RNF32: variants seen among roughly 807,000 people sequenced by gnomAD.
RNF32 encodes ring finger protein 32.
RNF32 carries 36 observed loss-of-function variants against 41.0 expected under a neutral mutation model. The observed-to-expected ratio is 0.88, with a 90% CI of 0.67 to 1.16. The LOEUF is 1.16. Among genes scored for constraint, RNF32 ranks in the 50% most tolerant of loss-of-function variants. The pLI is 0.00. For missense variants in RNF32, 413 were observed against 436.7 expected (o/e 0.95, Z 0.48); for synonymous variants, 154 against 160.9 (o/e 0.96, Z 0.32).
chr7:156,660,269 TG>T (rs1800426862), intron 7 of RNF32: 1 of 985,156 alleles, frequency 1.0e-6, no homozygotes, highest in South Asian at 4.7e-5. Flanking sequence ...CCAATTTCTT[TG>T]GTCTTCTCTA....
chr7:156,648,526 A>G (rs1203417885), intron 3 of RNF32, among the ~76,000 whole-genome samples: 7 of 152,244 alleles, frequency 4.6e-5, no homozygotes, highest in African/African-American at 1.4e-4. Context: ...AATTAGATAT[A>G]AAGAGGAACG....
intron 7 of RNF32, among the ~76,000 whole-genome samples, chr7:156,671,858 G>C (rs960259740): frequency 6.6e-6 from 1 of 152,032 alleles, no homozygotes; most frequent in Non-Finnish European, 1.5e-5. Context: ...TAAAAAAATA[G>C]AACTATCTCA....
intron 7 of RNF32, among the ~76,000 whole-genome samples, chr7:156,671,652 T>A (rs1470595371): frequency 5.9e-5 from 9 of 152,208 alleles, no homozygotes; most frequent in Non-Finnish European, 1.2e-4. Context: ...AGGACGCCGA[T>A]GTTTGCGGTA....
At chr7:156,660,396 G>C in intron 7 of RNF32, 2 of 562,672 alleles carry the variant, frequency 3.6e-6, no homozygotes, top group Non-Finnish European at 4.5e-6. Flanking sequence ...CTTTTAAGAT[G>C]ATCTCAGATG....
chr7:156,641,366 T>A (rs1289701595), intron 1 of RNF32, among the ~76,000 whole-genome samples: 1 of 152,248 alleles, frequency 6.6e-6, no homozygotes, highest in African/African-American at 2.4e-5. Flanking sequence ...CACCAAGCTC[T>A]GCCTCTTGAG....
chr7:156,652,469 G>A (rs889842762), intron 3 of RNF32, among the ~76,000 whole-genome samples: 3 of 151,638 alleles, frequency 2.0e-5, no homozygotes, highest in Non-Finnish European at 2.9e-5. Flanking sequence ...CACCTAGACC[G>A]GTCCCTTGAT....
In RNF32 at chr7:156,658,353, C is replaced by T. The variant is rs894984783; in HGVS notation, c.575+101C>T. 1.0e-5 allele frequency: 16 copies of T among 1,556,036 alleles called. No individual in the cohort carries two copies. The Admixed American group carries it at 2.3e-4, about 23-fold the overall frequency. On this transcript the variant is annotated intron_variant, in intron 6 of 8. Coordinates refer to ENST00000317955, the MANE Select transcript of RNF32 (RefSeq NM_030936.4). ...GGGATTTTATCTCTCTTCTTGGCCACCATAATTTCCCCAGGGCCTTGTACA... is the reference window on the plus strand; with the variant it reads ...GGGATTTTATCTCTCTTCTTGGCCATCATAATTTCCCCAGGGCCTTGTACA...
chr7:156,641,654 G>A (rs1797340464), intron 1 of RNF32, among the ~76,000 whole-genome samples: 1 of 152,194 alleles, frequency 6.6e-6, no homozygotes, highest in Non-Finnish European at 1.5e-5. Flanking sequence ...TGATATTAAT[G>A]ACAGTGGTCT....
chr7:156,664,115 G>C (rs1247653116), intron 7 of RNF32, among the ~76,000 whole-genome samples: 1 of 152,212 alleles, frequency 6.6e-6, no homozygotes, highest in East Asian at 1.9e-4. Flanking sequence ...AGTGCACACG[G>C]CACATTGCGT....
chr7:156,676,310 T>A, intron 8 of RNF32, 109 bp from the exon 9 acceptor site: 6 of 1,610,516 alleles, frequency 3.7e-6, no homozygotes, highest in Non-Finnish European at 5.1e-6. Context: ...AACTTCCGCA[T>A]GTTTCGAAGA....
chr7:156,674,484 G>A (rs1394799295), intron 7 of RNF32, among the ~76,000 whole-genome samples: 2 of 152,144 alleles, frequency 1.3e-5, no homozygotes, highest in African/African-American at 4.8e-5. Flanking sequence ...CTCTTCACAT[G>A]TACTAAAAAG....
At chr7:156,676,390 G>A (rs190578497) in intron 8 of RNF32, 29 bp from the exon 9 acceptor site, 65 of 1,614,004 alleles carry the variant, frequency 4.0e-5, no homozygotes, top group Admixed American at 2.5e-4. Flanking sequence ...ACTAACCCGC[G>A]TGGCCTCTTC....
At chr7:156,668,149 T>A (rs1188191997) in intron 7 of RNF32, among the ~76,000 whole-genome samples, 5 of 152,150 alleles carry the variant, frequency 3.3e-5, no homozygotes, top group African/African-American at 1.2e-4. Context: ...AGGCACTCAT[T>A]CAAGGAGATA....
chr7:156,675,359 G>A (rs1439347000), intron 7 of RNF32, among the ~76,000 whole-genome samples: 1 of 152,166 alleles, frequency 6.6e-6, no homozygotes, highest in East Asian at 1.9e-4. Flanking sequence ...ACCCACTTTA[G>A]GGGTGGGGAG....
At position 156,659,741 on chromosome 7, in the gene RNF32, G is replaced by A. The variant is rs951458819; in HGVS notation, c.684+1171G>A. ...TGGACGAGAACTGGCCCAGGTTGCT[G>A]GAAACAAGTGAAGCAACCATTACAA... On this transcript the variant is annotated intron_variant, in intron 7 of 8. Coordinates refer to ENST00000317955, the MANE Select transcript of RNF32 (RefSeq NM_030936.4). The A allele has an allele frequency of 2.0e-5, 14 of 712,364 alleles. No individual in the cohort carries two copies. In the Admixed American group the frequency reaches 8.8e-4, roughly 45 times the overall value. The allele number at this position is 712,364 out of a possible 1,614,324, so 44.1% of individuals were successfully genotyped here.
chr7:156,648,749 T>G (rs1449115860), intron 3 of RNF32, among the ~76,000 whole-genome samples: 1 of 152,240 alleles, frequency 6.6e-6, no homozygotes, highest in Non-Finnish European at 1.5e-5. Context: ...AGTAATCTCT[T>G]GTTGATTTAG....
At chr7:156,676,160 T>C in intron 8 of RNF32, 2 of 1,125,988 alleles carry the variant, frequency 1.8e-6, no homozygotes, top group Non-Finnish European at 1.2e-6. Flanking sequence ...TTTGAAATTC[T>C]GGAAGTTCCT....
chr7:156,644,438 C>A (rs1309425493), intron 2 of RNF32, 61 bp from the exon 3 acceptor site: 2 of 1,320,286 alleles, frequency 1.5e-6, no homozygotes, highest in African/African-American at 3.0e-5. Flanking sequence ...AGCCTCAGTT[C>A]TCTTCTAAAT....
In RNF32 at chr7:156,669,884, C is replaced by T. The variant is rs78279709; in HGVS notation, c.685-5812C>T. On this transcript the variant is annotated intron_variant, in intron 7 of 8. Coordinates refer to ENST00000317955, the MANE Select transcript of RNF32 (RefSeq NM_030936.4). The surrounding 1 kb of genome is among the most constrained non-coding windows in gnomAD (Gnocchi z 4.2). ...GGCTTGGGGACTCTGTTCCAGGTGACAGGAGGGCGGGCGGTCATGGCCTAG... is the reference window on the plus strand; with the variant it reads ...GGCTTGGGGACTCTGTTCCAGGTGATAGGAGGGCGGGCGGTCATGGCCTAG... Among the ~76,000 whole-genome samples the T allele has an allele frequency of 3.3e-3, 499 of 152,258 alleles. 6 individuals carry two copies. Among genetic ancestry groups the T allele is most frequent in the African/African-American group, 0.011 (466 of 41,568 alleles).
Sources: gnomAD v4.1 joint callset for allele counts (sites outside exome capture counted in the v4.1 genomes callset) on GRCh38, gnomAD v4.1.1 for gene constraint, Gnocchi (gnomAD v3.1) non-coding constraint, MANE v1.5 for transcripts, NCBI Gene and HGNC (gene_info 2026-07-23, HGNC 2026-07-21) for gene names.